Variants in PLCE1 observed in about 807,000 individuals in gnomAD.
PLCE1 encodes the protein 1-phosphatidylinositol 4,5-bisphosphate phosphodiesterase epsilon-1.
PLCE1 carries 119 observed loss-of-function variants against 242.8 expected under a neutral mutation model. That is an observed-to-expected ratio of 0.49 (90% CI 0.42 to 0.57). The LOEUF is 0.57. Among genes scored for constraint, PLCE1 ranks in the 20% least tolerant of loss-of-function variants. The pLI, the probability that PLCE1 is intolerant of heterozygous loss-of-function variation, is 0.00. For missense variants in PLCE1, 2,441 were observed against 2,788.8 expected (o/e 0.88, Z 2.81); for synonymous variants, 945 against 1,017.4 (o/e 0.93, Z 1.35).
intron 2 of PLCE1, among the ~76,000 whole-genome samples, chr10:94,042,662 C>T (rs1009276299): frequency 6.6e-6 from 1 of 152,092 alleles, no homozygotes; most frequent in Non-Finnish European, 1.5e-5. Flanking sequence ...GGGAACAATA[C>T]CAATTCTTAA....
chr10:94,265,968 A>G lies in PLCE1; in HGVS notation c.4281+10A>G. On this transcript the variant is annotated intron_variant, in intron 16 of 32. Transcript: ENST00000371380. ...AGAACTCTACAGCCAGGTACAGGGA[A>G]TGCCACTTGGAATGTGGTTTTTATT... is the stretch of plus-strand genomic sequence containing the variant. 2 of 1,613,638 alleles carry G rather than the reference A, an allele frequency of 1.2e-6. No homozygotes were observed. The highest frequency in any genetic ancestry group is 1.7e-6 in the Non-Finnish European group (2 of 1,179,532).
chr10:94,327,613 T>C (rs2054075806), intron 32 of PLCE1, among the ~76,000 whole-genome samples: 1 of 152,204 alleles, frequency 6.6e-6, no homozygotes, highest in African/African-American at 2.4e-5. Context: ...ATGATCCCTT[T>C]TAAAGTTTCA....
At chr10:94,257,633 A>G (rs2051145713) in intron 11 of PLCE1, among the ~76,000 whole-genome samples, 1 of 152,206 alleles carries the variant, frequency 6.6e-6, no homozygotes, top group Non-Finnish European at 1.5e-5. Context: ...GACATAGATG[A>G]AGCTGGAAAC....
At chr10:94,311,128 G>A (rs754675509) in intron 27 of PLCE1, among the ~76,000 whole-genome samples, 3 of 152,118 alleles carry the variant, frequency 2.0e-5, no homozygotes, top group Non-Finnish European at 4.4e-5. Flanking sequence ...TCCTCTCCAG[G>A]CCACCCTCCC....
intron 21 of PLCE1, among the ~76,000 whole-genome samples, chr10:94,284,596 G>C (rs1291623880): frequency 1.3e-5 from 2 of 152,142 alleles, no homozygotes; most frequent in Non-Finnish European, 2.9e-5. Flanking sequence ...ATTTAACAAA[G>C]ATTTATTGAC....
At chr10:94,319,718 A>C (rs561690530) in intron 29 of PLCE1, among the ~76,000 whole-genome samples, 6 of 152,288 alleles carry the variant, frequency 3.9e-5, no homozygotes, top group African/African-American at 1.4e-4. Flanking sequence ...CTCATGTCAA[A>C]CATGTACACA....
chr10:94,061,558 A>T (rs1020621258), intron 2 of PLCE1, among the ~76,000 whole-genome samples: 2 of 152,216 alleles, frequency 1.3e-5, no homozygotes, highest in Non-Finnish European at 2.9e-5. Context: ...GATCAAGAAG[A>T]TAATGCACTG....
chr10:94,277,527 A>G (rs1179369078), intron 19 of PLCE1, among the ~76,000 whole-genome samples: 1 of 152,030 alleles, frequency 6.6e-6, no homozygotes, highest in Non-Finnish European at 1.5e-5. Context: ...CCACTTTCAG[A>G]CACTGCTATT....
chr10:94,325,960 A>C (rs1037519220), intron 32 of PLCE1, among the ~76,000 whole-genome samples: 3 of 152,238 alleles, frequency 2.0e-5, no homozygotes, highest in African/African-American at 7.2e-5. Flanking sequence ...TAACAGCCTC[A>C]ATCTTGGAAA....
At position 94,293,575 on chromosome 10, in the gene PLCE1, T is replaced by G. The variant is rs1267301603; in HGVS notation, c.5103T>G (p.Phe1701Leu). ...GKERKSRKSI[F>L]GNNPGRMSPG... is the part of the protein sequence containing the mutation. ...AAAGGAAAAGCAGGAAGTCCATTTT[T>G]GGCAACAATCCGGGCAGAATGAGCC... The change falls in exon 23 of 33, where the codon TTT becomes TTG. Residue 1701 changes from phenylalanine to leucine, a missense_variant. By Grantham distance (22) the Phe-to-Leu change is conservative. Coordinates refer to ENST00000371380, the MANE Select transcript of PLCE1 (RefSeq NM_016341.4). The G allele has an allele frequency of 6.2e-7, 1 of 1,614,036 alleles. No homozygotes were observed. Among genetic ancestry groups the G allele is most frequent in the East Asian group, 2.2e-5 (1 of 44,858 alleles).
At chr10:94,246,786 A>T (rs2050698574) in intron 8 of PLCE1, among the ~76,000 whole-genome samples, 165 bp downstream of exon 8, 1 of 152,132 alleles carries the variant, frequency 6.6e-6, no homozygotes, top group Non-Finnish European at 1.5e-5. Context: ...CCTTTTCTAT[A>T]AAATGGAAAT....
intron 19 of PLCE1, chr10:94,279,545 A>G (rs1023884965): frequency 1.8e-6 from 1 of 547,832 alleles, no homozygotes; most frequent in Admixed American, 3.1e-5. Context: ...CACTGCACAC[A>G]GTCTTCTGGA....
rs371638668 is a variant in PLCE1 at position 94,171,226 on chromosome 10, A to G, written c.1539A>G (p.Ser513=). ...PSVANSNALP[S]SSAGISKELI... ...TGGCCAATTCCAATGCCCTCCCTTC[A>G]AGTTCAGCTGGGATCAGCAAGGAGC... Residue 513 remains serine (S), a synonymous_variant, in exon 4 of 33, where the codon TCA becomes TCG. Coordinates refer to ENST00000371380, the MANE Select transcript of PLCE1 (RefSeq NM_016341.4). 399 of 1,614,072 alleles carry G rather than the reference A, an allele frequency of 2.5e-4. No homozygotes were observed. The highest frequency in any genetic ancestry group is 4.9e-4 in the Middle Eastern group (3 of 6,084).
intron 2 of PLCE1, among the ~76,000 whole-genome samples, chr10:94,056,892 G>A (rs1020611859): frequency 6.8e-6 from 1 of 146,748 alleles, no homozygotes; most frequent in African/African-American, 2.5e-5. Context: ...TTCATATATG[G>A]AATCACGCAA....
At chr10:94,084,356 A>G (rs1366532450) in intron 2 of PLCE1, among the ~76,000 whole-genome samples, 2 of 152,158 alleles carry the variant, frequency 1.3e-5, no homozygotes, top group East Asian at 1.9e-4. Context: ...GGTGGAAGAA[A>G]TGAGGGGAGA....
chr10:94,313,480 C>T lies in PLCE1; in HGVS notation c.6132+98C>T. The T allele has an allele frequency of 3.7e-6, 5 of 1,356,410 alleles. 1 individual carries two copies. The South Asian group carries it at 5.8e-5, about 16-fold the overall frequency. The allele number at this position is 1,356,410 out of a possible 1,614,324, so 84.0% of individuals were successfully genotyped here. The stretch of plus-strand genomic sequence containing the variant: ...CTGTGTGTAAACATACACAGATGCA[C>T]ATGAATGCGCAAAAGTCCATGTGGA... On this transcript the variant is annotated intron_variant, in intron 28 of 32. Transcript: ENST00000371380.
intron 4 of PLCE1, among the ~76,000 whole-genome samples, chr10:94,181,369 G>A (rs566485569): frequency 9.9e-5 from 15 of 151,988 alleles, no homozygotes; most frequent in Admixed American, 2.6e-4. Flanking sequence ...TCAGGAGATC[G>A]AGACCATCCT....
intron 2 of PLCE1, among the ~76,000 whole-genome samples, chr10:94,034,021 T>C (rs2134530994): frequency 6.6e-6 from 1 of 152,320 alleles, no homozygotes; most frequent in Non-Finnish European, 1.5e-5. Context: ...CAGTTCCACA[T>C]GGTTGGGCAG....
At chr10:94,268,251 A>G (rs898103294) in intron 16 of PLCE1, among the ~76,000 whole-genome samples, 5 of 152,232 alleles carry the variant, frequency 3.3e-5, no homozygotes, top group African/African-American at 1.2e-4. Flanking sequence ...GAGCTAACAT[A>G]TTAAAGCTTA....
Sources: gnomAD v4.1 joint callset for allele counts (sites outside exome capture counted in the v4.1 genomes callset) on GRCh38, gnomAD v4.1.1 for gene constraint, MANE v1.5 for transcripts, NCBI Gene and HGNC (gene_info 2026-07-23, HGNC 2026-07-21) for gene names.